Variants in QRFPR observed in about 807,000 individuals in gnomAD.
QRFPR encodes pyroglutamylated RFamide peptide receptor.
A neutral mutation model predicts 31.3 loss-of-function variants in QRFPR; 37 were observed. The ratio of observed to expected loss-of-function variants is 1.18; its 90% CI spans 0.91 to 1.56. The LOEUF is 1.56. QRFPR is among the 40% of genes most tolerant of loss of function. QRFPR has a pLI of 0.00. For missense variants in QRFPR, 542 were observed against 532.5 expected (o/e 1.02, Z -0.18); for synonymous variants, 197 against 192.0 (o/e 1.03, Z -0.22).
At chr4:121,350,899 T>C (rs1044740611) in intron 1 of QRFPR, among the ~76,000 whole-genome samples, 5 of 152,192 alleles carry the variant, frequency 3.3e-5, no homozygotes, top group Admixed American at 1.3e-4. Flanking sequence ...TGTATAAAAA[T>C]ACTAATTAGA....
intron 1 of QRFPR, among the ~76,000 whole-genome samples, chr4:121,352,103 A>G (rs1490278466): frequency 5.3e-5 from 8 of 152,156 alleles, no homozygotes; most frequent in Admixed American, 5.2e-4. Flanking sequence ...GGCGGTTGGA[A>G]TAAATATTTT....
chr4:121,369,961 T>A (rs1353548467), intron 1 of QRFPR: 4 of 764,772 alleles, frequency 5.2e-6, no homozygotes, highest in Non-Finnish European at 9.7e-6. Context: ...GTAGCCAGGA[T>A]CTCTCAGCCC....
chr4:121,331,326 G>C (rs543630141), intron 4 of QRFPR, among the ~76,000 whole-genome samples: 1 of 151,240 alleles, frequency 6.6e-6, no homozygotes, highest in East Asian at 2.0e-4. Flanking sequence ...TGGGACCACA[G>C]GTGCATGCCA....
At chr4:121,370,990 G>T (rs1726232090) in intron 1 of QRFPR, among the ~76,000 whole-genome samples, 1 of 152,168 alleles carries the variant, frequency 6.6e-6, no homozygotes, top group African/African-American at 2.4e-5. Flanking sequence ...AAGCTTTAAT[G>T]CCAGGCCATG....
intron 1 of QRFPR, among the ~76,000 whole-genome samples, chr4:121,361,802 G>A (rs1158005972): frequency 6.7e-6 from 1 of 150,114 alleles, no homozygotes; most frequent in Non-Finnish European, 1.5e-5. Flanking sequence ...CCGCAAGTTT[G>A]TAGTATGACA....
chr4:121,365,534 A>T (rs1393875457), intron 1 of QRFPR, among the ~76,000 whole-genome samples: 168 of 5,334 alleles, frequency 0.031, 12 homozygotes, highest in African/African-American at 0.062. Flanking sequence ...TATTATATAT[A>T]ATATATATTA....
At position 121,365,494 on chromosome 4, in the gene QRFPR, ATATATAATATATATAATATATAT is replaced by A. The variant is rs1560743321; in HGVS notation, c.340+14791_340+14813del. Among the ~76,000 whole-genome samples the A allele has an allele frequency of 5.2e-3, 13 of 2,488 alleles. 2 individuals carry two copies. Among genetic ancestry groups the A allele is most frequent in the African/African-American group, 0.026 (11 of 430 alleles). The allele number at this position is 2,488 out of a possible 152,430, so 1.6% of individuals were successfully genotyped here. A position where few individuals can be genotyped will look rare whatever the true frequency, so the allele number is the denominator to read the frequency against. ...TAAATTAATTAATTAATTAAATTATATATATAATATATATAATATATATTATATATATTATATATAATATATAT... is the reference window on the plus strand; with the variant it reads ...TAAATTAATTAATTAATTAAATTATATATATATATTATATATAATATATAT... On this transcript the variant is annotated intron_variant, in intron 1 of 5. Transcript: ENST00000394427.
intron 1 of QRFPR, among the ~76,000 whole-genome samples, chr4:121,347,954 C>T (rs186379450): frequency 4.8e-4 from 73 of 152,164 alleles, no homozygotes; most frequent in African/African-American, 1.7e-3. Flanking sequence ...CTAAAGCATA[C>T]CTTATTTTAA....
chr4:121,372,268 C>A (rs188791450), intron 1 of QRFPR, among the ~76,000 whole-genome samples: 15 of 152,224 alleles, frequency 9.9e-5, no homozygotes, highest in Non-Finnish European at 1.6e-4. Context: ...CGATGGCGCT[C>A]CCTGAGGTGC....
At chr4:121,340,350 C>T (rs1218111543) in intron 2 of QRFPR, 102 bp downstream of exon 2, 3 of 1,261,806 alleles carry the variant, frequency 2.4e-6, no homozygotes, top group East Asian at 4.9e-5. Flanking sequence ...CCAATGCCTA[C>T]AAGTTAGATA....
In QRFPR at chr4:121,340,589, A is replaced by ACCAT; in HGVS notation, c.358_361dup (p.Val121AspfsTer33). 6.2e-7 allele frequency: 1 copy of ACCAT among 1,613,788 alleles called. No individual in the cohort carries two copies. Among genetic ancestry groups the ACCAT allele is most frequent in the Non-Finnish European group, 8.5e-7 (1 of 1,179,766 alleles). ...AACAGCGGTAGACTGGACAAATGGC[A>ACCAT]CCATCTTGCAAATGAAAGCACCTGC... On this transcript the variant is annotated frameshift_variant, in exon 2 of 6. Transcript: ENST00000394427. LOFTEE classifies it high-confidence loss of function.
intron 1 of QRFPR, among the ~76,000 whole-genome samples, chr4:121,345,045 A>G (rs1209374229): frequency 6.6e-6 from 1 of 152,024 alleles, no homozygotes; most frequent in African/African-American, 2.4e-5. Context: ...TGGAATGTGT[A>G]TTTCTCATAT....
At chr4:121,374,053 G>T (rs1406360956) in intron 1 of QRFPR, among the ~76,000 whole-genome samples, 1 of 152,194 alleles carries the variant, frequency 6.6e-6, no homozygotes, top group African/African-American at 2.4e-5. Flanking sequence ...TTGTGGTGAG[G>T]TGTGCTAATT....
At chr4:121,371,542 A>C (rs757100664) in intron 1 of QRFPR, among the ~76,000 whole-genome samples, 2 of 152,194 alleles carry the variant, frequency 1.3e-5, no homozygotes, top group East Asian at 3.9e-4. Flanking sequence ...TGGGAGCAGC[A>C]GAGGGAGATC....
chr4:121,372,863 A>G (rs987313209), intron 1 of QRFPR, among the ~76,000 whole-genome samples: 7 of 152,166 alleles, frequency 4.6e-5, no homozygotes, highest in Non-Finnish European at 8.8e-5. Flanking sequence ...GGGAGTTTTA[A>G]AGAAAATGTA....
At chr4:121,345,697 C>T (rs1339563882) in intron 1 of QRFPR, among the ~76,000 whole-genome samples, 1 of 152,156 alleles carries the variant, frequency 6.6e-6, no homozygotes, top group Non-Finnish European at 1.5e-5. Context: ...TATCTACTGC[C>T]TTCCATTCTC....
Position 121,329,121 on chromosome 4 carries a change from T to TAA in QRFPR, c.*191_*192dup. ...AATGAGAAGGAACACAGAAATCTGT[T>TAA]AAATGATTGTGATCAATTGGTTGTA... On this transcript the variant is annotated 3_prime_UTR_variant, in exon 6 of 6. Transcript: ENST00000394427. 1 of 497,848 alleles carries TAA rather than the reference T, an allele frequency of 2.0e-6. No individual in the cohort carries two copies. Among genetic ancestry groups the TAA allele is most frequent in the Non-Finnish European group, 3.5e-6 (1 of 289,552 alleles). 30.8% of individuals were successfully genotyped at this position (497,848 alleles called of 1,614,324 possible). A position where few individuals can be genotyped will look rare whatever the true frequency, so the allele number is the denominator to read the frequency against.
intron 1 of QRFPR, among the ~76,000 whole-genome samples, chr4:121,359,842 G>C (rs1462479364): frequency 1.3e-5 from 2 of 150,206 alleles, no homozygotes; most frequent in Non-Finnish European, 3.0e-5. Context: ...TCTCCTATTA[G>C]TTCTGTTCCT....
chr4:121,364,277 G>A (rs955803910), intron 1 of QRFPR, among the ~76,000 whole-genome samples: 3 of 150,064 alleles, frequency 2.0e-5, no homozygotes, highest in East Asian at 4.0e-4. Context: ...GAATGTTACC[G>A]AATGTAACAG....
Sources: allele counts gnomAD v4.1 joint callset (sites outside exome capture counted in the v4.1 genomes callset), GRCh38; gene constraint gnomAD v4.1.1; transcripts MANE v1.5; gene names NCBI Gene and HGNC (gene_info 2026-07-23, HGNC 2026-07-21).